The following DPP10 variants were observed in gnomAD, a reference collection of about 807,000 sequenced individuals.
DPP10 encodes inactive dipeptidyl peptidase 10.
In DPP10, 33 loss-of-function variants were observed where a neutral mutation model predicts 120.9. The observed-to-expected ratio is 0.27, with a 90% CI of 0.21 to 0.37. The LOEUF is 0.37. Among genes scored for constraint, DPP10 ranks in the 10% least tolerant of loss-of-function variants. The pLI is 1.00. For synonymous variants in DPP10, 337 were observed against 326.1 expected (o/e 1.03, Z -0.36); for missense variants, 816 against 942.8 (o/e 0.87, Z 1.76).
intron 3 of DPP10, among the ~76,000 whole-genome samples, chr2:115,483,475 C>CCATCTG (rs2075569667): frequency 3.5e-5 from 3 of 84,906 alleles, no homozygotes; most frequent in African/African-American, 1.3e-4. Context: ...ATCTATCTAT[C>CCATCTG]TATCTGTATG....
intron 1 of DPP10, among the ~76,000 whole-genome samples, chr2:114,541,706 A>T (rs1171768921): frequency 6.6e-6 from 1 of 152,230 alleles, no homozygotes; most frequent in Non-Finnish European, 1.5e-5. Flanking sequence ...ACATTGACAG[A>T]AAGTTTAAAT....
Position 115,485,355 on chromosome 2 carries a change from C to G in DPP10, c.272-14155C>G, listed in dbSNP as rs534757079. The stretch of plus-strand genomic sequence containing the variant: ...AAAGTTATTGCCTCATTTCCACTTG[C>G]TATTACCTTAGAACTAACTAGTGTT... On this transcript the variant is annotated intron_variant, in intron 3 of 25. Coordinates refer to ENST00000410059, the MANE Select transcript of DPP10 (RefSeq NM_020868.6). 1.3e-3 allele frequency among the ~76,000 whole-genome samples: 194 copies of G among 151,892 alleles called. 2 individuals are homozygous for G. Among genetic ancestry groups the G allele is most frequent in the African/African-American group, 4.6e-3 (191 of 41,436 alleles).
intron 1 of DPP10, among the ~76,000 whole-genome samples, chr2:115,015,366 T>C (rs1016490336): frequency 1.3e-5 from 2 of 152,128 alleles, no homozygotes; most frequent in African/African-American, 2.4e-5. Flanking sequence ...TAATAAGAGC[T>C]CTTTATGACA....
At chr2:114,840,395 A>G (rs1688063726) in intron 1 of DPP10, among the ~76,000 whole-genome samples, 1 of 152,130 alleles carries the variant, frequency 6.6e-6, no homozygotes, top group Non-Finnish European at 1.5e-5. Flanking sequence ...TGGATAATTT[A>G]TGAAGTTCAA....
chr2:115,421,228 T>G (rs1208246065), intron 3 of DPP10, among the ~76,000 whole-genome samples: 2 of 152,190 alleles, frequency 1.3e-5, no homozygotes, highest in African/African-American at 4.8e-5. Context: ...ACATGGTATG[T>G]CTAGGTCCAG....
intron 3 of DPP10, among the ~76,000 whole-genome samples, chr2:115,356,249 TC>T (rs2064378644): frequency 6.6e-6 from 1 of 152,166 alleles, no homozygotes; most frequent in Non-Finnish European, 1.5e-5. Context: ...GGTTTGTACT[TC>T]CCCTTGAGGA....
At chr2:115,550,865 C>T (rs1048250821) in intron 5 of DPP10, among the ~76,000 whole-genome samples, 67 of 152,252 alleles carry the variant, frequency 4.4e-4, no homozygotes, top group African/African-American at 1.6e-3. Context: ...GTTTAAAGAA[C>T]TGAACTCCGT....
chr2:115,555,462 C>T (rs1305938201), intron 5 of DPP10, among the ~76,000 whole-genome samples: 1 of 152,132 alleles, frequency 6.6e-6, no homozygotes, highest in East Asian at 1.9e-4. Flanking sequence ...GGGAAAACTA[C>T]GATGAGAAGA....
At chr2:114,851,167 C>T (rs1453608460) in intron 1 of DPP10, among the ~76,000 whole-genome samples, 2 of 152,084 alleles carry the variant, frequency 1.3e-5, no homozygotes, top group Non-Finnish European at 2.9e-5. Context: ...AATTTTCTTT[C>T]TTTACATTTA....
intron 1 of DPP10, among the ~76,000 whole-genome samples, chr2:114,456,332 T>A (rs1465238292): frequency 6.6e-6 from 1 of 152,224 alleles, no homozygotes; most frequent in Non-Finnish European, 1.5e-5. Context: ...AGGACAAGTT[T>A]GCACAAATCT....
At chr2:115,536,378 T>C (rs1259923225) in intron 5 of DPP10, among the ~76,000 whole-genome samples, 4 of 152,006 alleles carry the variant, frequency 2.6e-5, no homozygotes, top group African/African-American at 7.2e-5. Flanking sequence ...TGTGGTGATA[T>C]CATAATTTAT....
intron 1 of DPP10, among the ~76,000 whole-genome samples, chr2:115,164,562 A>G (rs2052688827): frequency 6.6e-6 from 1 of 152,212 alleles, no homozygotes; most frequent in Non-Finnish European, 1.5e-5. Context: ...TGAATGATTT[A>G]AGCTATTGCA....
intron 1 of DPP10, among the ~76,000 whole-genome samples, chr2:114,804,413 T>A (rs1248541818): frequency 6.6e-6 from 1 of 152,100 alleles, no homozygotes; most frequent in Non-Finnish European, 1.5e-5. Flanking sequence ...CCTCCCAGAA[T>A]GGTAGATCCA....
chr2:114,820,420 G>A (rs763772633), intron 1 of DPP10, among the ~76,000 whole-genome samples: 4 of 152,118 alleles, frequency 2.6e-5, no homozygotes, highest in Non-Finnish European at 5.9e-5. Flanking sequence ...TACTCAACAG[G>A]TCTTTGATTT....
At chr2:115,792,635 T>C (rs138834241) in intron 19 of DPP10, among the ~76,000 whole-genome samples, 11 of 152,254 alleles carry the variant, frequency 7.2e-5, no homozygotes, top group Admixed American at 3.3e-4. Flanking sequence ...TTTTTTTTTC[T>C]TGTCTTTTTT....
At chr2:115,804,278 C>G (rs933885287) in intron 19 of DPP10, among the ~76,000 whole-genome samples, 5 of 152,280 alleles carry the variant, frequency 3.3e-5, no homozygotes, top group Admixed American at 1.3e-4. Flanking sequence ...GTTTTCAGCT[C>G]CAACAGGTCC....
intron 1 of DPP10, among the ~76,000 whole-genome samples, chr2:114,574,257 T>C (rs570974053): frequency 2.6e-5 from 4 of 152,172 alleles, no homozygotes; most frequent in Admixed American, 6.5e-5. Flanking sequence ...TCATAGGTTT[T>C]TCCCCCTCCC....
At chr2:114,835,223 T>C (rs1047684155) in intron 1 of DPP10, 2 of 151,688 alleles carry the variant, frequency 1.3e-5, no homozygotes, top group Non-Finnish European at 2.9e-5. Flanking sequence ...ATAGGACATA[T>C]CTACACACCT....
At chr2:114,660,718 T>C (rs1278014601) in intron 1 of DPP10, among the ~76,000 whole-genome samples, 1 of 152,212 alleles carries the variant, frequency 6.6e-6, no homozygotes, top group African/African-American at 2.4e-5. Flanking sequence ...TGAATAATTT[T>C]CCTAAAATAA....
Sources: allele counts gnomAD v4.1 joint callset (sites outside exome capture counted in the v4.1 genomes callset), GRCh38; gene constraint gnomAD v4.1.1; transcripts MANE v1.5; gene names NCBI Gene and HGNC (gene_info 2026-07-23, HGNC 2026-07-21).